ABCA7: variants seen among roughly 807,000 people sequenced by gnomAD.
ABCA7 encodes the protein phospholipid-transporting ATPase ABCA7.
ABCA7 carries 261 observed loss-of-function variants against 227.6 expected under a neutral mutation model. The ratio of observed to expected loss-of-function variants is 1.15; its 90% CI spans 1.04 to 1.27. ABCA7 has a LOEUF of 1.27. Among genes scored for constraint, ABCA7 ranks in the 50% most tolerant of loss-of-function variants. The pLI, the probability that ABCA7 is intolerant of heterozygous loss-of-function variation, is 0.00. For missense variants in ABCA7, 3,331 were observed against 2,924.5 expected (o/e 1.14, Z -3.21); for synonymous variants, 1,488 against 1,279.7 (o/e 1.16, Z -3.47).
At chr19:1,041,802 G>A (rs1048417153) in intron 3 of ABCA7, 29 bp from the exon 4 acceptor site, 1 of 1,600,074 alleles carries the variant, frequency 6.2e-7, no homozygotes, top group Non-Finnish European at 8.5e-7. Flanking sequence ...AGAGTCCACA[G>A]GGCCTCAGCA....
In ABCA7 at chr19:1,042,335, C is replaced by T; in HGVS notation, c.436C>T (p.Gln146Ter). Residue 146 changes from glutamine to a stop codon, truncating the protein, a stop_gained, in exon 6 of 47, where the codon CAG becomes TAG. Coordinates refer to ENST00000263094, the MANE Select transcript of ABCA7 (RefSeq NM_019112.4). LOFTEE classifies it high-confidence loss of function. Reference sequence around the variant, plus strand: ...CCCAGCCCAGCCTCAACCAACCAAGCAGTCTCCACTGGAACCACCCATGCT... The same window carrying T: ...CCCAGCCCAGCCTCAACCAACCAAGTAGTCTCCACTGGAACCACCCATGCT... Reference protein sequence around the residue: ...RSTAQPQPTKQSPLEPPMLDV... With the variant: ...RSTAQPQPTK 6.3e-7 allele frequency: 1 copy of T among 1,584,534 alleles called. No individual in the cohort carries two copies. The highest frequency in any genetic ancestry group is 8.6e-7 in the Non-Finnish European group (1 of 1,160,164).
intron 42 of ABCA7, 140 bp from the exon 43 acceptor site, chr19:1,063,404 C>G: frequency 8.1e-7 from 1 of 1,235,136 alleles, no homozygotes; most frequent in Admixed American, 2.4e-5. Flanking sequence ...CCCCACCACA[C>G]TATGTCCCAT....
intron 35 of ABCA7, 134 bp downstream of exon 35, chr19:1,057,563 C>A: frequency 1.1e-6 from 1 of 923,666 alleles, no homozygotes; most frequent in Non-Finnish European, 1.7e-6. Context: ...CGTGTGTGAT[C>A]CAATTCAGTG....
intron 34 of ABCA7, 46 bp downstream of exon 34, chr19:1,057,130 A>G (rs991095811): frequency 1.7e-5 from 27 of 1,590,568 alleles, no homozygotes; most frequent in Non-Finnish European, 2.2e-5. Context: ...ACTGCTTGCC[A>G]CTGCCCTGTC....
chr19:1,050,549 A>G (rs2144802909), intron 18 of ABCA7, among the ~76,000 whole-genome samples: 1 of 152,072 alleles, frequency 6.6e-6, no homozygotes, highest in South Asian at 2.1e-4. Context: ...AGGCGGGTGG[A>G]TCACGAGGTC....
At chr19:1,062,431 C>T in intron 42 of ABCA7, 118 bp downstream of exon 42, 1 of 1,474,946 alleles carries the variant, frequency 6.8e-7, no homozygotes. Context: ...CTGTCCCTGC[C>T]CCCAGACCGT....
chr19:1,047,653 A>G lies in ABCA7; in HGVS notation c.2268A>G (p.Pro756=), dbSNP rs755100121. ...CCTGGTACCTGGAAGCTGTGTGCCC[A>G]GGTGGGCCGTAGGGGGCGGGGCTCC... ...LATWYLEAVC[P]GQYGIPEPWN... The change falls in exon 16 of 47, where the codon CCA becomes CCG. Residue 756 remains proline, a splice_region_variant and synonymous_variant. Coordinates refer to ENST00000263094, the MANE Select transcript of ABCA7 (RefSeq NM_019112.4). 6.3e-7 allele frequency: 1 copy of G among 1,587,102 alleles called. No homozygotes were observed. The highest frequency in any genetic ancestry group is 1.7e-5 in the Admixed American group (1 of 59,150).
Position 1,042,392 on chromosome 19 carries a change from C to T in ABCA7, c.493C>T (p.Arg165Cys). Reference sequence around the variant, plus strand: ...CGCGGAGCTGCTGACGTCACTGCTGCGCACGGTAGGGTGTCGGGGCGGGAC... The same window carrying T: ...CGCGGAGCTGCTGACGTCACTGCTGTGCACGGTAGGGTGTCGGGGCGGGAC... Reference protein sequence around the residue: ...DVAELLTSLLRTESLGLALGQ... With the variant: ...DVAELLTSLLCTESLGLALGQ... Residue 165 changes from arginine to cysteine, a missense_variant, in exon 6 of 47, where the codon CGC (arginine) becomes TGC (cysteine). Coordinates refer to ENST00000263094, the MANE Select transcript of ABCA7 (RefSeq NM_019112.4). The T allele has an allele frequency of 1.2e-6, 2 of 1,609,850 alleles. No homozygotes were observed. Among genetic ancestry groups the T allele is most frequent in the Non-Finnish European group, 1.7e-6 (2 of 1,177,584 alleles).
In ABCA7 at chr19:1,054,792, A is replaced by AG; in HGVS notation, c.3868dup (p.Asp1290GlyfsTer25). On this transcript the variant is annotated frameshift_variant, in exon 29 of 47. Transcript: ENST00000263094. LOFTEE classifies it high-confidence loss of function. This position sits in a 1 kb window ranked among gnomAD's most constrained non-coding sequence, Gnocchi z 4.8. ...CCCTCACACACAGTGAGGACGCCCC[A>AG]GGGGACCCTGGACGTGCCCGGCTGC... 1 of 1,599,018 alleles carries AG rather than the reference A, an allele frequency of 6.3e-7. No individual in the cohort carries two copies. The highest frequency in any genetic ancestry group is 1.1e-5 in the South Asian group (1 of 89,232).
rs996415863 is a variant in ABCA7 at position 1,059,699 on chromosome 19, G to A, written c.5463+614G>A. Among the ~76,000 whole-genome samples, 13 of 151,888 alleles carry A rather than the reference G, an allele frequency of 8.6e-5. No homozygotes were observed. The East Asian group carries it at 2.5e-3, about 29-fold the overall frequency. ...CTGCCTCAGCCTCCCAGGTAGCTGG[G>A]ACTGCAGGCGCCTGCCATCACGCCT... On this transcript the variant is annotated intron_variant, in intron 40 of 46. Transcript: ENST00000263094.
Position 1,043,197 on chromosome 19 carries a change from C to G in ABCA7, c.736C>G (p.Leu246Val). 2 of 1,609,118 alleles carry G rather than the reference C, an allele frequency of 1.2e-6. No individual in the cohort carries two copies. Among genetic ancestry groups the G allele is most frequent in the East Asian group, 2.2e-5 (1 of 44,758 alleles). The change falls in exon 8 of 47, where the codon CTG (leucine) becomes GTG (valine). Residue 246 changes from leucine to valine, a missense_variant. By Grantham distance (32) the Leu-to-Val change is conservative. Coordinates refer to ENST00000263094, the MANE Select transcript of ABCA7 (RefSeq NM_019112.4). ...CCTCAACTGGTACGAGGCTAGTGAC[C>G]TGATGGAGCTGGTGGGGCAGGAGCC... ...PSLNWYEASD[L>V]MELVGQEPES...
chr19:1,057,240 G>C, intron 34 of ABCA7, 74 bp from the exon 35 acceptor site: 1 of 1,580,132 alleles, frequency 6.3e-7, no homozygotes, highest in South Asian at 1.1e-5. Context: ...AAGGAGGTCA[G>C]GGTGGGAACA....
chr19:1,060,028 AC>A (rs896345509), intron 40 of ABCA7, among the ~76,000 whole-genome samples: 2 of 152,134 alleles, frequency 1.3e-5, no homozygotes, highest in Admixed American at 6.5e-5. Context: ...ATACACATCT[AC>A]ATCAAGCACT....
At chr19:1,060,207 A>ATATATATATATTTTT in intron 40 of ABCA7, among the ~76,000 whole-genome samples, 3 of 96,770 alleles carry the variant, frequency 3.1e-5, no homozygotes, top group African/African-American at 1.0e-4. Flanking sequence ...ATATATATAT[A>ATATATATATATTTTT]TTTTTTTTTC....
rs781691344 is a variant in ABCA7 at position 1,051,010 on chromosome 19, C to A, written c.2642C>A (p.Pro881His). 1 of 1,612,272 alleles carries A rather than the reference C, an allele frequency of 6.2e-7. No homozygotes were observed. Among genetic ancestry groups the A allele is most frequent in the East Asian group, 2.2e-5 (1 of 44,880 alleles). Residue 881 changes from proline to histidine, a missense_variant, in exon 19 of 47, where the codon CCC (proline) becomes CAC (histidine). Physicochemically the swap from Pro to His is moderately conservative, Grantham distance 77. Transcript: ENST00000263094. Reference protein sequence around the residue: ...DVRSSMAAIRPHLGVCPQYNV... With the variant: ...DVRSSMAAIRHHLGVCPQYNV... ...CGCTCCAGCATGGCCGCCATCCGGC[C>A]CCACCTGGGCGTCTGTCCTCAGTAC... is the stretch of plus-strand genomic sequence containing the variant.
At position 1,048,944 on chromosome 19, in the gene ABCA7, C is replaced by T. The variant is rs368735263; in HGVS notation, c.2319C>T (p.Tyr773=). ...GGAATTTTCCTTTTCGGAGGAGCTA[C>T]TGGTGCGGACCTCGGCCCCCCAAGA... The part of the protein sequence containing the change: ...EPWNFPFRRS[Y]WCGPRPPKSP... Residue 773 remains tyrosine, a synonymous_variant, in exon 17 of 47, where the codon TAC becomes TAT. Coordinates refer to ENST00000263094, the MANE Select transcript of ABCA7 (RefSeq NM_019112.4). The T allele has an allele frequency of 6.2e-7, 1 of 1,610,050 alleles. No individual in the cohort carries two copies. The highest frequency in any genetic ancestry group is 2.2e-5 in the East Asian group (1 of 44,842).
intron 44 of ABCA7, 27 bp from the exon 45 acceptor site, chr19:1,064,134 G>T (rs1472084791): frequency 2.6e-5 from 40 of 1,532,906 alleles, no homozygotes; most frequent in Non-Finnish European, 3.4e-5. Context: ...CCGGCCTCAC[G>T]GAGCTCGTGG....
At position 1,045,274 on chromosome 19, in the gene ABCA7, G is replaced by A. The variant is rs777536796; in HGVS notation, c.1445+43G>A. 6 of 1,484,514 alleles carry A rather than the reference G, an allele frequency of 4.0e-6. No homozygotes were observed. In the African/African-American group the frequency reaches 5.5e-5, roughly 14 times the overall value. The allele number at this position is 1,484,514 out of a possible 1,614,324, so 92.0% of individuals were successfully genotyped here. On this transcript the variant is annotated intron_variant, in intron 12 of 46. Transcript: ENST00000263094. ...GCGGGGGGATGAGGGACTGGGCGGG[G>A]CCAAGAGCGTGGTGGGTGGGGCCAG...
Position 1,043,388 on chromosome 19 carries a change from TGCTCTGGAGAC to T in ABCA7, c.848_858del (p.Leu283ProfsTer71). 1 of 1,613,314 alleles carries T rather than the reference TGCTCTGGAGAC, an allele frequency of 6.2e-7. No individual in the cohort carries two copies. Among genetic ancestry groups the T allele is most frequent in the Middle Eastern group, 1.6e-4 (1 of 6,062 alleles). Reference sequence around the variant, plus strand: ...CTGGACAGCCACCCGCTGTCCCGCCTGCTCTGGAGACGCCTGAAGCCTCTGATCCTCGGGAA... The same window carrying T: ...CTGGACAGCCACCCGCTGTCCCGCCTGCCTGAAGCCTCTGATCCTCGGGAA... On this transcript the variant is annotated frameshift_variant, in exon 9 of 47. Transcript: ENST00000263094. LOFTEE classifies it high-confidence loss of function.
Sources: allele counts gnomAD v4.1 joint callset (sites outside exome capture counted in the v4.1 genomes callset), GRCh38; gene constraint gnomAD v4.1.1; non-coding constraint Gnocchi (gnomAD v3.1); transcripts MANE v1.5; gene names NCBI Gene and HGNC (gene_info 2026-07-23, HGNC 2026-07-21).